Variants in MTX3 observed in about 807,000 individuals in gnomAD.
MTX3 encodes the protein metaxin-3.
In MTX3, 27 loss-of-function variants were observed where a neutral mutation model predicts 42.5. The observed-to-expected ratio is 0.64, with a 90% CI of 0.47 to 0.88. The LOEUF (loss-of-function observed/expected upper bound fraction) is 0.88, where lower values mean the gene tolerates loss of function less well. MTX3 is among the 40% of genes least tolerant of loss of function. The pLI, the probability that MTX3 is intolerant of heterozygous loss-of-function variation, is 0.00. For synonymous variants in MTX3, 144 were observed against 132.9 expected (o/e 1.08, Z -0.57); for missense variants, 378 against 367.0 (o/e 1.03, Z -0.25).
At chr5:79,988,151 T>A in intron 6 of MTX3, 88 bp downstream of exon 6, 1 of 768,182 alleles carries the variant, frequency 1.3e-6, no homozygotes, top group South Asian at 1.7e-5. Context: ...AACTCATCTT[T>A]TGGGGAGATA....
chr5:79,984,342 T>A lies in MTX3; in HGVS notation c.829-548A>T, dbSNP rs116120688. ...AAACTATTATTCTTTCAACTATACT[T>A]CTTTACCTCAATGAAAATGACCTGT... On this transcript the variant is annotated intron_variant, in intron 8 of 8. Coordinates refer to ENST00000512528, the MANE Select transcript of MTX3 (RefSeq NM_001363818.2). Among the ~76,000 whole-genome samples the A allele has an allele frequency of 3.2e-3, 492 of 152,308 alleles. 2 individuals carry two copies. The highest frequency in any genetic ancestry group is 0.011 in the African/African-American group (467 of 41,550).
intron 8 of MTX3, 94 bp downstream of exon 8, chr5:79,985,477 T>C: frequency 1.2e-6 from 1 of 804,766 alleles, no homozygotes; most frequent in Admixed American, 2.7e-5. Context: ...TAAAAAAAAC[T>C]AAAAGGGTAC....
Position 79,988,482 on chromosome 5 carries a change from G to A in MTX3, c.484C>T (p.Leu162Phe), listed in dbSNP as rs1381692104. The A allele has an allele frequency of 1.9e-6, 3 of 1,610,918 alleles. No homozygotes were observed. The highest frequency in any genetic ancestry group is 2.2e-5 in the East Asian group (1 of 44,860). The change falls in exon 5 of 9, where the codon CTC (leucine) becomes TTC (phenylalanine). Residue 162 changes from leucine to phenylalanine, a missense_variant. Physicochemically the swap from Leu to Phe is conservative, Grantham distance 22 (BLOSUM62 0). Coordinates refer to ENST00000512528, the MANE Select transcript of MTX3 (RefSeq NM_001363818.2). ...TATACCTGTGCTTCCACTTCTCGGA[G>A]GTGGTAGAGGGGAGGCTGTCCTCTG... ...LTRGQPPLYH[L>F]REVEAQIYRD... is the part of the protein sequence containing the mutation.
chr5:79,990,540 T>A (rs1831616998), intron 2 of MTX3, 54 bp downstream of exon 2: 1 of 1,173,204 alleles, frequency 8.5e-7, no homozygotes, highest in African/African-American at 1.5e-5. Context: ...CAGCTTTAAA[T>A]GGAAGAAGAA....
chr5:79,986,950 C>G lies in MTX3; in HGVS notation c.739G>C (p.Gly247Arg). The change falls in exon 7 of 9, where the codon GGC becomes CGC. Residue 247 changes from glycine to arginine, a missense_variant and splice_region_variant. Transcript: ENST00000512528. ...ATTAGCTGAAAAAGAGCCAGCTTAC[C>G]TCCAAGACTAAGCCTAAAATAACTG... ...LSSYFRLSLG[G>R]ISPAGQETVD... 1 of 1,613,288 alleles carries G rather than the reference C, an allele frequency of 6.2e-7. No individual in the cohort carries two copies. The highest frequency in any genetic ancestry group is 8.5e-7 in the Non-Finnish European group (1 of 1,179,558).
rs1411407258 is a variant in MTX3, at chr5:79,982,817, C to T, written c.*867G>A. On this transcript the variant is annotated 3_prime_UTR_variant, in exon 9 of 9. Transcript: ENST00000512528. ...TTTCTACTACCCTGGCCATGGGCTC[C>T]TCCTGAGTAGTGTCTAACAAGTGGG... 2 of 172,190 alleles carry T rather than the reference C, an allele frequency of 1.2e-5. No individual in the cohort carries two copies. The highest frequency in any genetic ancestry group is 4.8e-5 in the African/African-American group (2 of 41,668). The allele number at this position is 172,190 out of a possible 1,614,324, so 10.7% of individuals were successfully genotyped here.
chr5:79,989,203 T>C lies in MTX3; in HGVS notation c.270A>G (p.Ala90=). The change falls in exon 4 of 9, where the codon GCA becomes GCG. Residue 90 remains alanine (A), a synonymous_variant. Transcript: ENST00000512528. ...GGAGAGCAATATAAGCCAATGTATCTGCCCCTTGTTTTGCTGAGAGTTCAT... is the reference window on the plus strand; with the variant it reads ...GGAGAGCAATATAAGCCAATGTATCCGCCCCTTGTTTTGCTGAGAGTTCAT... ...ADYELSAKQG[A]DTLAYIALLE... 6.2e-7 allele frequency: 1 copy of C among 1,608,890 alleles called. No homozygotes were observed. Among genetic ancestry groups the C allele is most frequent in the East Asian group, 2.2e-5 (1 of 44,776 alleles).
At chr5:79,987,266 C>T (rs1831516327) in intron 6 of MTX3, among the ~76,000 whole-genome samples, 159 bp from the exon 7 acceptor site, 1 of 151,832 alleles carries the variant, frequency 6.6e-6, no homozygotes, top group African/African-American at 2.4e-5. Flanking sequence ...CATGGTGAAA[C>T]CCTGTCTCTA....
chr5:79,983,039 G>C lies in MTX3; in HGVS notation c.*645C>G, dbSNP rs1831407780. On this transcript the variant is annotated 3_prime_UTR_variant, in exon 9 of 9. Coordinates refer to ENST00000512528, the MANE Select transcript of MTX3 (RefSeq NM_001363818.2). ...CATCAGCAAAGACCAATGTTATACT[G>C]AAATGAGTATTATCAGATGTTATTA... 6.5e-6 allele frequency: 1 copy of C among 153,818 alleles called. No homozygotes were observed. Among genetic ancestry groups the C allele is most frequent in the African/African-American group, 2.4e-5 (1 of 41,450 alleles). The allele number at this position is 153,818 out of a possible 1,614,324, so 9.5% of individuals were successfully genotyped here.
In MTX3 at chr5:79,990,201, C is replaced by G. The variant is rs1580890939; in HGVS notation, c.187G>C (p.Val63Leu). Residue 63 changes from valine (V) to leucine (L), a missense_variant, in exon 3 of 9, where the codon GTT becomes CTT. Coordinates refer to ENST00000512528, the MANE Select transcript of MTX3 (RefSeq NM_001363818.2). Reference sequence around the variant, plus strand: ...TTTAGTATTTTTGCTGGCTGAGAAACCATGTCGTCTTCAGTTGTCAAAATT... The same window carrying G: ...TTTAGTATTTTTGCTGGCTGAGAAAGCATGTCGTCTTCAGTTGTCAAAATT... Reference protein sequence around the residue: ...VPILTTEDDMVSQPAKILNFL... With the variant: ...VPILTTEDDMLSQPAKILNFL... The G allele has an allele frequency of 6.2e-7, 1 of 1,610,282 alleles. No homozygotes were observed.
At chr5:79,988,344 G>T in intron 5 of MTX3, 29 bp from the exon 6 acceptor site, 3 of 1,512,810 alleles carry the variant, frequency 2.0e-6, no homozygotes, top group East Asian at 4.8e-5. Context: ...TATCTCAAAA[G>T]TAGAAAAGAT....
rs936835869 is a variant in MTX3 at position 79,980,463 on chromosome 5, A to C, written c.*3221T>G. 1 of 152,142 alleles carries C rather than the reference A, an allele frequency of 6.6e-6. No homozygotes were observed. Among genetic ancestry groups the C allele is most frequent in the Admixed American group, 6.5e-5 (1 of 15,270 alleles). 9.4% of individuals were successfully genotyped at this position (152,142 alleles called of 1,614,324 possible). On this transcript the variant is annotated 3_prime_UTR_variant, in exon 9 of 9. Transcript: ENST00000512528. The stretch of plus-strand genomic sequence containing the variant: ...CCCCCAATATAATACAAACAAACTT[A>C]AGTTGAAATTTGGTTTGTTAATGCC...
At chr5:79,985,942 A>AG (rs940446990) in intron 7 of MTX3, among the ~76,000 whole-genome samples, 1 of 145,106 alleles carries the variant, frequency 6.9e-6, no homozygotes, top group African/African-American at 2.5e-5. Flanking sequence ...TTTTTTTTGA[A>AG]AAAAAAAGCA....
chr5:79,982,477 T>C lies in MTX3; in HGVS notation c.*1207A>G, dbSNP rs1233619185. On this transcript the variant is annotated 3_prime_UTR_variant, in exon 9 of 9. Coordinates refer to ENST00000512528, the MANE Select transcript of MTX3 (RefSeq NM_001363818.2). ...AAGACACTAATCAAAAACATGGTTC[T>C]ACATTTTAAAAACCTCAGAAGTAGT... is the stretch of plus-strand genomic sequence containing the variant. 1.3e-5 allele frequency: 6 copies of C among 453,390 alleles called. No individual in the cohort carries two copies. Among genetic ancestry groups the C allele is most frequent in the Non-Finnish European group, 2.7e-5 (6 of 225,602 alleles). The allele number at this position is 453,390 out of a possible 1,614,324, so 28.1% of individuals were successfully genotyped here. A position where few individuals can be genotyped will look rare whatever the true frequency, so the allele number is the denominator to read the frequency against.
At chr5:79,991,043 T>C (rs1831647061) in intron 1 of MTX3, 115 bp downstream of exon 1, 1 of 1,078,406 alleles carries the variant, frequency 9.3e-7, no homozygotes. Flanking sequence ...CAATGCAGCG[T>C]GCAGCGGCTC....
chr5:79,990,804 G>C, intron 1 of MTX3, 141 bp from the exon 2 acceptor site: 1 of 762,708 alleles, frequency 1.3e-6, no homozygotes, highest in Non-Finnish European at 2.3e-6. Flanking sequence ...ATCTCAAGTA[G>C]GGACGCGGGC....
chr5:79,983,688 G>T lies in MTX3; in HGVS notation c.935C>A (p.Pro312His). The change falls in exon 9 of 9, where the codon CCC becomes CAC. Residue 312 changes from proline to histidine, a missense_variant. Pro to His is a moderately conservative substitution (Grantham distance 77, BLOSUM62 -2). Coordinates refer to ENST00000512528, the MANE Select transcript of MTX3 (RefSeq NM_001363818.2). The part of the protein sequence containing the change: ...EENNSFQRLS[P>H] ...GGCCACAAACCATGACTACTCTCAG[G>T]GCGAAAGCCGTTGGAAGGAATTATT... The T allele has an allele frequency of 6.2e-7, 1 of 1,611,326 alleles. No homozygotes were observed. Among genetic ancestry groups the T allele is most frequent in the Non-Finnish European group, 8.5e-7 (1 of 1,177,414 alleles).
rs757926613 is a variant in MTX3 at position 79,978,798 on chromosome 5, C to T, written c.*4886G>A. The T allele has an allele frequency of 6.6e-6, 1 of 152,552 alleles. No homozygotes were observed. The highest frequency in any genetic ancestry group is 2.4e-5 in the African/African-American group (1 of 41,428). 9.4% of individuals were successfully genotyped at this position (152,552 alleles called of 1,614,324 possible). On this transcript the variant is annotated 3_prime_UTR_variant, in exon 9 of 9. Coordinates refer to ENST00000512528, the MANE Select transcript of MTX3 (RefSeq NM_001363818.2). ...CCTAACAATATATTCTGACAAAACA[C>T]TCCTTCAGGAACTGCTTCACCCAGA...
Position 79,990,644 on chromosome 5 carries a change from C to T in MTX3, c.101G>A (p.Gly34Asp). Residue 34 changes from glycine to aspartate, a missense_variant, in exon 2 of 9, where the codon GGT (glycine) becomes GAT (aspartate). Gly to Asp is a moderately conservative substitution (Grantham distance 94). Transcript: ENST00000512528. ...TATCACATTGACTTTCAAGGGTGCA[C>T]CAGAAAATTTGGCATAAGCCTGAAA... ...LVVMAYAKFSGAPLKVNVIDN... is the reference protein window; with the variant it reads ...LVVMAYAKFSDAPLKVNVIDN... The T allele has an allele frequency of 6.2e-7, 1 of 1,613,322 alleles. No homozygotes were observed. The highest frequency in any genetic ancestry group is 8.5e-7 in the Non-Finnish European group (1 of 1,179,532).
Sources: gnomAD v4.1 joint callset for allele counts (sites outside exome capture counted in the v4.1 genomes callset) on GRCh38, gnomAD v4.1.1 for gene constraint, MANE v1.5 for transcripts, NCBI Gene and HGNC (gene_info 2026-07-23, HGNC 2026-07-21) for gene names.